FUT8: variants seen among roughly 807,000 people sequenced by gnomAD.
The protein encoded by FUT8 is alpha-(1,6)-fucosyltransferase.
A neutral mutation model predicts 71.3 loss-of-function variants in FUT8; 29 were observed. The observed-to-expected ratio is 0.41, with a 90% CI of 0.30 to 0.55. The LOEUF (loss-of-function observed/expected upper bound fraction) is 0.55. Ranked by LOEUF, FUT8 falls within the 20% of genes least tolerant of loss-of-function variation. FUT8 has a pLI of 0.34. For synonymous variants in FUT8, 254 were observed against 239.3 expected (o/e 1.06, Z -0.57); for missense variants, 544 against 702.1 (o/e 0.77, Z 2.55).
At chr14:65,417,835 A>T (rs2139369199) in intron 1 of FUT8, among the ~76,000 whole-genome samples, 1 of 152,338 alleles carries the variant, frequency 6.6e-6, no homozygotes, top group East Asian at 1.9e-4. Context: ...GCACTGGAAT[A>T]AAAGAAAAAC....
intron 10 of FUT8, among the ~76,000 whole-genome samples, chr14:65,741,319 G>A (rs1039521033): frequency 1.3e-5 from 2 of 151,902 alleles, no homozygotes; most frequent in African/African-American, 4.8e-5. Flanking sequence ...TCTCTACACA[G>A]CACACTTAAA....
intron 1 of FUT8, among the ~76,000 whole-genome samples, chr14:65,431,833 G>A (rs1454381966): frequency 6.6e-6 from 1 of 151,982 alleles, no homozygotes; most frequent in Admixed American, 6.5e-5. Context: ...CTGTTAGAAT[G>A]TATAGGATCA....
chr14:65,582,125 T>A (rs1042849980), intron 3 of FUT8, among the ~76,000 whole-genome samples: 1 of 152,186 alleles, frequency 6.6e-6, no homozygotes, highest in Non-Finnish European at 1.5e-5. Flanking sequence ...GGAGCATAAG[T>A]GTCACATGAT....
intron 2 of FUT8, among the ~76,000 whole-genome samples, chr14:65,512,898 A>ACTCTGTCTC: frequency 8.1e-6 from 1 of 123,532 alleles, no homozygotes; most frequent in Non-Finnish European, 1.6e-5. Flanking sequence ...ACAGAGTGAG[A>ACTCTGTCTC]CTCTGTCTCA....
intron 3 of FUT8, among the ~76,000 whole-genome samples, chr14:65,611,561 T>C (rs1889001881): frequency 6.6e-6 from 1 of 152,132 alleles, no homozygotes; most frequent in African/African-American, 2.4e-5. Context: ...CGCTACAATA[T>C]ATAATCTGCA....
At chr14:65,499,833 AT>A (rs1331262048) in intron 2 of FUT8, among the ~76,000 whole-genome samples, 2 of 149,660 alleles carry the variant, frequency 1.3e-5, no homozygotes, top group Non-Finnish European at 3.0e-5. Flanking sequence ...AAAAAAAAAA[AT>A]GCCAGCAAAT....
At chr14:65,517,500 A>C (rs1435057961) in intron 2 of FUT8, among the ~76,000 whole-genome samples, 2 of 152,188 alleles carry the variant, frequency 1.3e-5, no homozygotes, top group Non-Finnish European at 2.9e-5. Flanking sequence ...TTTCTTGCCA[A>C]AATTTTTGTT....
intron 1 of FUT8, among the ~76,000 whole-genome samples, chr14:65,416,694 A>G (rs990804508): frequency 6.6e-6 from 1 of 152,084 alleles, no homozygotes; most frequent in Admixed American, 6.6e-5. Flanking sequence ...CTGATTTTTA[A>G]AGAACCTGTA....
intron 1 of FUT8, among the ~76,000 whole-genome samples, chr14:65,431,642 C>T (rs926887119): frequency 2.2e-5 from 3 of 137,560 alleles, no homozygotes; most frequent in African/African-American, 8.3e-5. Flanking sequence ...GTGTACTGCT[C>T]TTAGACTTTG....
chr14:65,390,725 CTT>C, the FUT8 span, among the ~76,000 whole-genome samples: 11 of 134,624 alleles, frequency 8.2e-5, no homozygotes, highest in Admixed American at 8.0e-5. Context: ...ATTTCCTATT[CTT>C]TTTTTTTTTT....
intron 3 of FUT8, among the ~76,000 whole-genome samples, chr14:65,596,576 A>T (rs1187281608): frequency 6.6e-6 from 1 of 152,182 alleles, no homozygotes; most frequent in African/African-American, 2.4e-5. Context: ...GAAGGAGATG[A>T]TGGTATGGAT....
chr14:65,742,627 T>C lies in FUT8; in HGVS notation c.*217T>C, dbSNP rs1214669717. 1 of 509,214 alleles carries C rather than the reference T, an allele frequency of 2.0e-6. No homozygotes were observed. The highest frequency in any genetic ancestry group is 3.5e-6 in the Non-Finnish European group (1 of 285,228). 31.5% of individuals were successfully genotyped at this position (509,214 alleles called of 1,614,324 possible). On this transcript the variant is annotated 3_prime_UTR_variant, in exon 11 of 11. Transcript: ENST00000673929. Reference sequence around the variant, plus strand: ...GCAATGCCCTCATACCCATGCACAGTACAATAATGTACTCACATATAACAT... The same window carrying C: ...GCAATGCCCTCATACCCATGCACAGCACAATAATGTACTCACATATAACAT...
upstream of FUT8, chr14:65,411,827 G>C (rs1156519572): frequency 8.6e-6 from 3 of 350,790 alleles, no homozygotes; most frequent in East Asian, 2.4e-4. Flanking sequence ...CACGCGGCGC[G>C]CAGCTCTGAT....
At chr14:65,651,615 C>T (rs914116110) in intron 6 of FUT8, among the ~76,000 whole-genome samples, 1 of 151,906 alleles carries the variant, frequency 6.6e-6, no homozygotes, top group Non-Finnish European at 1.5e-5. Context: ...TTTAAAGAAG[C>T]TATAATAATA....
chr14:65,724,103 C>CCAGTGT, intron 8 of FUT8, 44 bp from the exon 9 acceptor site: 2 of 1,412,384 alleles, frequency 1.4e-6, no homozygotes, highest in Non-Finnish European at 1.9e-6. Context: ...CTCAAAGCAC[C>CCAGTGT]CAGTGTCAGT....
intron 1 of FUT8, among the ~76,000 whole-genome samples, chr14:65,452,177 G>A (rs1203245628): frequency 1.3e-5 from 2 of 152,042 alleles, no homozygotes; most frequent in East Asian, 3.8e-4. Flanking sequence ...ACATATAAGT[G>A]GTATTTATTG....
At chr14:65,476,637 ATTTTTTTTTTTT>A (rs200882761) in intron 2 of FUT8, among the ~76,000 whole-genome samples, 11 of 125,080 alleles carry the variant, frequency 8.8e-5, no homozygotes, top group African/African-American at 1.9e-4. Flanking sequence ...AAAGAAGTAG[ATTTTTTTTTTTT>A]TTTTTTTTTT....
chr14:65,462,539 A>G (rs895916924), intron 2 of FUT8, among the ~76,000 whole-genome samples: 2 of 152,250 alleles, frequency 1.3e-5, no homozygotes, highest in Non-Finnish European at 2.9e-5. Context: ...TTACTAGAGA[A>G]TGGTAATAGT....
At chr14:65,644,649 C>T (rs1891038012) in intron 6 of FUT8, among the ~76,000 whole-genome samples, 1 of 152,170 alleles carries the variant, frequency 6.6e-6, no homozygotes, top group Non-Finnish European at 1.5e-5. Flanking sequence ...GTGTGAGCCA[C>T]CGCGCCCGGC....
Sources: allele counts gnomAD v4.1 joint callset (sites outside exome capture counted in the v4.1 genomes callset), GRCh38; gene constraint gnomAD v4.1.1; transcripts MANE v1.5; gene names NCBI Gene and HGNC (gene_info 2026-07-23, HGNC 2026-07-21).